Variants in ABCB5 observed in about 807,000 individuals in gnomAD.
ABCB5 encodes the protein ATP binding cassette subfamily B member 5, also known as ATP-binding cassette sub-family B member 5.
A neutral mutation model predicts 144.2 loss-of-function variants in ABCB5; 155 were observed. The ratio of observed to expected loss-of-function variants is 1.08; its 90% CI spans 0.94 to 1.23. The LOEUF (loss-of-function observed/expected upper bound fraction) is 1.23. ABCB5 is among the 50% of genes most tolerant of loss of function. The pLI is 0.00. For synonymous variants in ABCB5, 610 were observed against 528.6 expected, an observed-to-expected ratio of 1.15 and a Z score of -2.11; for missense variants, 1,830 against 1,520.8, an observed-to-expected ratio of 1.20 and a Z score of -3.38.
At position 20,728,390 on chromosome 7, in the gene ABCB5, G is replaced by C. The variant is rs10254317; in HGVS notation, c.2802G>C (p.Ala934=). ...ATGCCTTTATATATTTTGCCTATGC[G>C]GCAGGGTTTCGATTTGGAGCCTATT... ...FSHAFIYFAY[A]AGFRFGAYLI... The change falls in exon 23 of 28, where the codon GCG becomes GCC. Residue 934 remains alanine (A), a synonymous_variant. Coordinates refer to ENST00000404938, the MANE Select transcript of ABCB5 (RefSeq NM_001163941.2). 5.6e-6 allele frequency: 9 copies of C among 1,613,854 alleles called. No homozygotes were observed. The East Asian group carries it at 2.0e-4, about 36-fold the overall frequency.
intron 23 of ABCB5, among the ~76,000 whole-genome samples, chr7:20,738,176 G>A (rs1782449464): frequency 1.3e-5 from 2 of 152,198 alleles, no homozygotes; most frequent in South Asian, 4.1e-4. Flanking sequence ...CACTGGTCCA[G>A]TTTTAGCCTG....
intron 24 of ABCB5, among the ~76,000 whole-genome samples, chr7:20,742,418 C>A (rs930447567): frequency 6.6e-6 from 1 of 152,104 alleles, no homozygotes; most frequent in African/African-American, 2.4e-5. Flanking sequence ...AATCAGAATT[C>A]AAAACATACT....
intron 19 of ABCB5, among the ~76,000 whole-genome samples, chr7:20,703,193 T>A (rs2128044081): frequency 6.6e-6 from 1 of 152,340 alleles, no homozygotes; most frequent in South Asian, 2.1e-4. Context: ...CATGTCATGT[T>A]GAAATCTAGA....
intron 13 of ABCB5, among the ~76,000 whole-genome samples, chr7:20,657,787 G>T (rs1038264401): frequency 1.3e-5 from 2 of 152,098 alleles, no homozygotes; most frequent in Non-Finnish European, 1.5e-5. Flanking sequence ...CAAAAAGCCT[G>T]ATTTTTTAAA....
At chr7:20,667,115 C>G in intron 14 of ABCB5, 2 of 757,610 alleles carry the variant, frequency 2.6e-6, no homozygotes, top group African/African-American at 3.7e-5. Context: ...ACCTCTGAGG[C>G]ACAGTTTTTT....
intron 14 of ABCB5, among the ~76,000 whole-genome samples, chr7:20,679,660 T>C (rs529696207): frequency 6.6e-6 from 1 of 152,232 alleles, no homozygotes; most frequent in Non-Finnish European, 1.5e-5. Flanking sequence ...CAAGAGAGAA[T>C]ATCCAAATTG....
chr7:20,667,259 A>C, intron 14 of ABCB5: 1 of 982,940 alleles, frequency 1.0e-6, no homozygotes. Context: ...AGCCTGGCAA[A>C]GTAAAGATGA....
chr7:20,724,143 C>T (rs1014117726), intron 21 of ABCB5, among the ~76,000 whole-genome samples: 2 of 152,098 alleles, frequency 1.3e-5, no homozygotes, highest in East Asian at 3.9e-4. Context: ...GCTGCCTGTA[C>T]TTGGATAGTC....
At chr7:20,745,511 TG>T (rs1489127041) in intron 26 of ABCB5, 73 bp downstream of exon 26, 1 of 1,285,740 alleles carries the variant, frequency 7.8e-7, no homozygotes, top group Non-Finnish European at 1.1e-6. Flanking sequence ...CCTATGCAGT[TG>T]TTTTTATGTA....
At chr7:20,656,632 C>G (rs73278664) in intron 13 of ABCB5, among the ~76,000 whole-genome samples, 1,915 of 152,172 alleles carry the variant, frequency 0.013, 37 homozygotes, top group African/African-American at 0.043. Context: ...ATGATGTAAG[C>G]AATTAGATCT....
intron 14 of ABCB5, chr7:20,659,237 T>C: frequency 6.4e-7 from 1 of 1,551,592 alleles, no homozygotes; most frequent in Middle Eastern, 2.3e-4. Context: ...CTGCACCAAA[T>C]TACACTGAAT....
chr7:20,666,523 G>A (rs144378474), intron 14 of ABCB5, among the ~76,000 whole-genome samples: 268 of 152,280 alleles, frequency 1.8e-3, no homozygotes, highest in African/African-American at 6.0e-3. Flanking sequence ...GCAATTCTGG[G>A]AGGGATGTTT....
rs1371803062 is a variant in ABCB5 at position 20,703,332 on chromosome 7, G to C, written c.2338-1392G>C. Among the ~76,000 whole-genome samples, 3 of 152,152 alleles carry C rather than the reference G, an allele frequency of 2.0e-5. No individual in the cohort carries two copies. In the East Asian group the frequency reaches 5.8e-4, roughly 29 times the overall value. ...CTGCTGTGTATTCACAGTATGTTAG[G>C]CTCTTGCCTGGGATTGTGCTTTCAA... On this transcript the variant is annotated intron_variant, in intron 19 of 27. Transcript: ENST00000404938.
chr7:20,668,201 A>C (rs1259511383), intron 14 of ABCB5, among the ~76,000 whole-genome samples: 1 of 146,380 alleles, frequency 6.8e-6, no homozygotes, highest in African/African-American at 2.6e-5. Context: ...GGATATGAGG[A>C]GCCTCTCTGC....
At chr7:20,646,508 AAATG>A (rs1328742928) in intron 9 of ABCB5, among the ~76,000 whole-genome samples, 3 of 152,154 alleles carry the variant, frequency 2.0e-5, no homozygotes, top group Non-Finnish European at 4.4e-5. Flanking sequence ...TCACCTTGCT[AAATG>A]TCTTCTCTCT....
intron 26 of ABCB5, among the ~76,000 whole-genome samples, chr7:20,750,383 TACA>T (rs1782882085): frequency 7.1e-6 from 1 of 140,992 alleles, no homozygotes; most frequent in South Asian, 2.3e-4. Context: ...GGCTTCCCCC[TACA>T]CACACACACA....
intron 22 of ABCB5, 101 bp from the exon 23 acceptor site, chr7:20,728,214 T>A (rs1161208954): frequency 2.2e-6 from 3 of 1,376,860 alleles, no homozygotes; most frequent in Non-Finnish European, 2.9e-6. Context: ...TTCCACCAAA[T>A]TATAACATTT....
chr7:20,717,334 A>T (rs193221923), intron 20 of ABCB5, among the ~76,000 whole-genome samples: 13 of 151,412 alleles, frequency 8.6e-5, no homozygotes, highest in African/African-American at 3.2e-4. Context: ...TGTCCGCACG[A>T]TTGGGTTTTA....
intron 25 of ABCB5, among the ~76,000 whole-genome samples, chr7:20,744,852 G>GT (rs1452999135): frequency 2.0e-5 from 3 of 151,996 alleles, no homozygotes; most frequent in Admixed American, 6.5e-5. Context: ...TACTGGAAGA[G>GT]TCCCCCTCAC....
Sources: gnomAD v4.1 joint callset for allele counts (sites outside exome capture counted in the v4.1 genomes callset) on GRCh38, gnomAD v4.1.1 for gene constraint, MANE v1.5 for transcripts, NCBI Gene and HGNC (gene_info 2026-07-23, HGNC 2026-07-21) for gene names.